The following MYO3B variants were observed in gnomAD, a reference collection of about 807,000 sequenced individuals.
MYO3B encodes myosin IIIB.
Under a neutral mutation model 174.6 loss-of-function variants are expected in MYO3B, and 156 were observed. The ratio of observed to expected loss-of-function variants is 0.89; its 90% CI spans 0.78 to 1.02. MYO3B has a LOEUF of 1.02. Ranked by LOEUF, MYO3B falls within the 50% of genes least tolerant of loss-of-function variation. The pLI is 0.00. For synonymous variants in MYO3B, 563 were observed against 569.1 expected, an observed-to-expected ratio of 0.99 and a Z score of 0.15; for missense variants, 1,632 against 1,639.4, an observed-to-expected ratio of 1.00 and a Z score of 0.08.
chr2:170,310,665 CA>C (rs746315736), intron 7 of MYO3B, among the ~76,000 whole-genome samples: 481 of 61,430 alleles, frequency 7.8e-3, no homozygotes, highest in African/African-American at 0.033. Context: ...GACTCCATCT[CA>C]AAAAAAAAAA....
chr2:170,547,837 G>A (rs576240159), intron 32 of MYO3B, among the ~76,000 whole-genome samples: 1 of 152,264 alleles, frequency 6.6e-6, no homozygotes, highest in South Asian at 2.1e-4. Flanking sequence ...ATGTTAGAAG[G>A]GTGAAGAGTT....
intron 9 of MYO3B, among the ~76,000 whole-genome samples, chr2:170,374,088 T>C (rs2094269717): frequency 6.6e-6 from 1 of 152,198 alleles, no homozygotes. Context: ...TCTCAGAAAA[T>C]GCACCATCAC....
intron 30 of MYO3B, among the ~76,000 whole-genome samples, chr2:170,520,797 C>T (rs571645477): frequency 1.3e-5 from 2 of 152,184 alleles, no homozygotes; most frequent in East Asian, 3.9e-4. Context: ...GAGCTAAAGA[C>T]ACAAACAGCT....
intron 32 of MYO3B, among the ~76,000 whole-genome samples, chr2:170,546,338 C>A (rs939937475): frequency 6.6e-6 from 1 of 152,172 alleles, no homozygotes; most frequent in Admixed American, 6.5e-5. Context: ...GAATTGAATT[C>A]TTGAACATCC....
intron 7 of MYO3B, among the ~76,000 whole-genome samples, chr2:170,278,762 T>A (rs113288333): frequency 4.5e-5 from 6 of 133,014 alleles, no homozygotes; most frequent in African/African-American, 2.5e-4. Context: ...CTTATCCCCC[T>A]AACCCCCGCC....
At chr2:170,649,142 A>T (rs1357534237) in intron 32 of MYO3B, among the ~76,000 whole-genome samples, 15 of 70,328 alleles carry the variant, frequency 2.1e-4, no homozygotes, top group African/African-American at 9.8e-4. Flanking sequence ...AATAATATAT[A>T]ATATATTATA....
intron 32 of MYO3B, among the ~76,000 whole-genome samples, chr2:170,629,454 A>T (rs1356133392): frequency 6.6e-6 from 1 of 152,224 alleles, no homozygotes; most frequent in Non-Finnish European, 1.5e-5. Flanking sequence ...AAATTATCAT[A>T]AAAGTACCAT....
At chr2:170,584,269 G>A (rs1383086863) in intron 32 of MYO3B, among the ~76,000 whole-genome samples, 1 of 152,186 alleles carries the variant, frequency 6.6e-6, no homozygotes, top group Non-Finnish European at 1.5e-5. Flanking sequence ...AGGGTGAGGT[G>A]TGGGTATTTA....
At chr2:170,592,986 T>C (rs1460097732) in intron 32 of MYO3B, among the ~76,000 whole-genome samples, 1 of 152,024 alleles carries the variant, frequency 6.6e-6, no homozygotes, top group East Asian at 1.9e-4. Flanking sequence ...TATACCTAAA[T>C]AGGTAGATAG....
intron 7 of MYO3B, among the ~76,000 whole-genome samples, chr2:170,248,473 C>G (rs1210887198): frequency 1.3e-5 from 2 of 152,154 alleles, no homozygotes; most frequent in Admixed American, 6.5e-5. Flanking sequence ...GATTTATTAT[C>G]CTTTAGTTCC....
At chr2:170,181,511 T>C (rs1412195224) in intron 1 of MYO3B, among the ~76,000 whole-genome samples, 3 of 152,168 alleles carry the variant, frequency 2.0e-5, no homozygotes, top group African/African-American at 7.2e-5. Flanking sequence ...GCTTCTGATC[T>C]TAAGGTGAAA....
At chr2:170,621,378 A>G (rs1695901506) in intron 32 of MYO3B, among the ~76,000 whole-genome samples, 1 of 152,216 alleles carries the variant, frequency 6.6e-6, no homozygotes, top group Non-Finnish European at 1.5e-5. Flanking sequence ...CCCTTCTAAT[A>G]TAACACCTTT....
In MYO3B at chr2:170,315,052, G is replaced by T. The variant is rs557510254; in HGVS notation, c.750-20333G>T. ...GACATTTTTAGGACTATCAAGTTTT[G>T]CTTCAAATTACAGGCATCCTGTTGT... is the stretch of plus-strand genomic sequence containing the variant. On this transcript the variant is annotated intron_variant, in intron 7 of 34. Coordinates refer to ENST00000408978, the MANE Select transcript of MYO3B (RefSeq NM_138995.5). Among the ~76,000 whole-genome samples the T allele has an allele frequency of 2.0e-5, 3 of 152,288 alleles. No homozygotes were observed. The East Asian group carries it at 5.8e-4, about 29-fold the overall frequency.
At chr2:170,621,878 C>G (rs1355943194) in intron 32 of MYO3B, among the ~76,000 whole-genome samples, 2 of 152,192 alleles carry the variant, frequency 1.3e-5, no homozygotes, top group East Asian at 3.9e-4. Context: ...ATGTCACATT[C>G]TGCCATGTAT....
intron 30 of MYO3B, among the ~76,000 whole-genome samples, chr2:170,531,786 T>TGGAA (rs202198573): frequency 0.015 from 2,273 of 151,998 alleles, 48 homozygotes; most frequent in African/African-American, 0.045. Context: ...TGTGGATGGA[T>TGGAA]GGAAGGAAGG....
chr2:170,489,592 A>G (rs927755287), intron 25 of MYO3B, among the ~76,000 whole-genome samples: 2 of 151,748 alleles, frequency 1.3e-5, no homozygotes, highest in Non-Finnish European at 2.9e-5. Flanking sequence ...GTTTACCTAC[A>G]TGAGAGCAAT....
intron 32 of MYO3B, among the ~76,000 whole-genome samples, chr2:170,624,756 T>C (rs1372018340): frequency 6.6e-6 from 1 of 152,220 alleles, no homozygotes; most frequent in Non-Finnish European, 1.5e-5. Flanking sequence ...ACCTAATTTA[T>C]TGAGAGTTTT....
At chr2:170,486,846 A>G (rs1686098847) in intron 25 of MYO3B, among the ~76,000 whole-genome samples, 1 of 152,152 alleles carries the variant, frequency 6.6e-6, no homozygotes, top group African/African-American at 2.4e-5. Context: ...GACCATAGGA[A>G]ACCATCCTTC....
intron 7 of MYO3B, among the ~76,000 whole-genome samples, chr2:170,285,996 T>C (rs1057254184): frequency 2.0e-5 from 3 of 152,228 alleles, no homozygotes; most frequent in Admixed American, 2.0e-4. Flanking sequence ...GTCTACCATA[T>C]ATCTAGATCC....
Sources: allele counts gnomAD v4.1 joint callset (sites outside exome capture counted in the v4.1 genomes callset), GRCh38; gene constraint gnomAD v4.1.1; transcripts MANE v1.5; gene names NCBI Gene and HGNC (gene_info 2026-07-23, HGNC 2026-07-21).